SLC2A14: variants seen among roughly 807,000 people sequenced by gnomAD.
The protein encoded by SLC2A14 is solute carrier family 2, facilitated glucose transporter member 14.
A neutral mutation model predicts 43.0 loss-of-function variants in SLC2A14; 13 were observed. The ratio of observed to expected loss-of-function variants is 0.30; its 90% CI spans 0.20 to 0.48. The LOEUF (loss-of-function observed/expected upper bound fraction) is 0.48, where lower values mean the gene tolerates loss of function less well. Ranked by LOEUF, SLC2A14 falls within the 20% of genes least tolerant of loss-of-function variation. The pLI, the probability that SLC2A14 is intolerant of heterozygous loss-of-function variation, is 0.99. For missense variants in SLC2A14, 428 were observed against 620.4 expected, an observed-to-expected ratio of 0.69 and a Z score of 3.29; for synonymous variants, 190 against 233.8, an observed-to-expected ratio of 0.81 and a Z score of 1.71.
At chr12:7,815,735 C>G (rs894804279) in intron 10 of SLC2A14, among the ~76,000 whole-genome samples, 1 of 152,022 alleles carries the variant, frequency 6.6e-6, no homozygotes, top group East Asian at 1.9e-4. Context: ...CACCACCAAA[C>G]CTGGCAAATT....
At position 7,829,759 on chromosome 12, in the gene SLC2A14, A is replaced by C. The variant is rs1864841002; in HGVS notation, c.513+7T>G. 6.2e-7 allele frequency: 1 copy of C among 1,614,132 alleles called. No individual in the cohort carries two copies. Among genetic ancestry groups the C allele is most frequent in the Non-Finnish European group, 8.5e-7 (1 of 1,180,014 alleles). On this transcript the variant is annotated splice_region_variant and intron_variant, in intron 5 of 10. Coordinates refer to ENST00000431042, the MANE Select transcript of SLC2A14 (RefSeq NM_001286234.2). ...ACACTCATTAAGTATGAGAAGTTCT[A>C]GAGTACCTGGGCCACCAGAATTCCA...
At chr12:7,858,495 ATTTTC>A (rs1303085434) in intron 2 of SLC2A14, among the ~76,000 whole-genome samples, 1 of 151,882 alleles carries the variant, frequency 6.6e-6, no homozygotes, top group Non-Finnish European at 1.5e-5. Context: ...AAAAATTTTA[ATTTTC>A]TTTTCTTTTT....
At chr12:7,873,307 G>A (rs1198561381), upstream of SLC2A14, 139 of 985,438 alleles carry the variant, frequency 1.4e-4, no homozygotes, top group Non-Finnish European at 1.6e-4. Flanking sequence ...CCCCGCGGGC[G>A]GGCCGGCTGG....
Position 7,817,885 on chromosome 12 carries a change from G to A in SLC2A14, c.1221C>T (p.Gly407=), listed in dbSNP as rs1266235645. The A allele has an allele frequency of 6.2e-7, 1 of 1,614,168 alleles. No homozygotes were observed. ...GPRPAAMAVA[G]CSNWTSNFLV... ...GGAAGTTGGAGGTCCAGTTGGAGCA[G>A]CCGGCCACTGCCATCGCAGCTGGGC... The change falls in exon 10 of 11, where the codon GGC becomes GGT. Residue 407 remains glycine (G), a synonymous_variant. Coordinates refer to ENST00000431042, the MANE Select transcript of SLC2A14 (RefSeq NM_001286234.2).
At chr12:7,890,945 C>G in intron 1 of SLC2A14, 2 of 1,499,042 alleles carry the variant, frequency 1.3e-6, no homozygotes, top group Non-Finnish European at 1.8e-6. Context: ...AAGAAATCAT[C>G]CTCGACATGG....
intron 1 of SLC2A14, among the ~76,000 whole-genome samples, chr12:7,887,749 C>G (rs1158297358): frequency 6.6e-6 from 1 of 152,134 alleles, no homozygotes; most frequent in Non-Finnish European, 1.5e-5. Flanking sequence ...TTATGCAAAT[C>G]CTATCACTTG....
chr12:7,817,520 G>A (rs887673163), intron 10 of SLC2A14, among the ~76,000 whole-genome samples: 7 of 151,990 alleles, frequency 4.6e-5, no homozygotes, highest in African/African-American at 1.4e-4. Flanking sequence ...TGTAATCCCA[G>A]CACTTTGGGA....
At chr12:7,879,339 A>AAG (rs1451403983) in intron 1 of SLC2A14, among the ~76,000 whole-genome samples, 1 of 150,764 alleles carries the variant, frequency 6.6e-6, no homozygotes, top group East Asian at 2.0e-4. Context: ...ACAAAAAAAA[A>AAG]CAAAAGTTGC....
In SLC2A14 at chr12:7,837,060, G is replaced by A. The variant is rs138018199; in HGVS notation, c.19-4246C>T. Among the ~76,000 whole-genome samples the A allele has an allele frequency of 4.0e-3, 604 of 151,364 alleles. 3 individuals carry two copies. The highest frequency in any genetic ancestry group is 0.014 in the African/African-American group (565 of 41,234). On this transcript the variant is annotated intron_variant, in intron 2 of 10. Coordinates refer to ENST00000431042, the MANE Select transcript of SLC2A14 (RefSeq NM_001286234.2). Reference sequence around the variant, plus strand: ...CACATGCCTGTAATCCCAGCTATTCGGGAGGCTGAGGCAAGAGAATCGCTT... The same window carrying A: ...CACATGCCTGTAATCCCAGCTATTCAGGAGGCTGAGGCAAGAGAATCGCTT...
intron 2 of SLC2A14, among the ~76,000 whole-genome samples, chr12:7,857,140 C>T (rs1042238274): frequency 1.3e-5 from 2 of 152,034 alleles, no homozygotes; most frequent in East Asian, 3.9e-4. Context: ...GTTCCAGCTA[C>T]TCGGGAGGCT....
At chr12:7,837,911 C>T (rs1281720702) in intron 2 of SLC2A14, among the ~76,000 whole-genome samples, 1 of 151,934 alleles carries the variant, frequency 6.6e-6, no homozygotes, top group African/African-American at 2.4e-5. Context: ...GTGCACGCCA[C>T]CACGCCTGGT....
At chr12:7,868,756 C>T (rs10846077) in intron 2 of SLC2A14, among the ~76,000 whole-genome samples, 31,392 of 151,946 alleles carry the variant, frequency 0.21, 3,266 homozygotes, top group East Asian at 0.32. Flanking sequence ...GGCTGTAATC[C>T]CAGCATTTTG....
intron 2 of SLC2A14, among the ~76,000 whole-genome samples, chr12:7,857,453 T>C (rs1944315524): frequency 6.6e-6 from 1 of 151,624 alleles, no homozygotes; most frequent in African/African-American, 2.4e-5. Context: ...CCGAGCGCAG[T>C]GGTGCACACC....
chr12:7,842,323 C>T (rs1426705997), intron 2 of SLC2A14, among the ~76,000 whole-genome samples: 1 of 152,168 alleles, frequency 6.6e-6, no homozygotes, highest in Non-Finnish European at 1.5e-5. Flanking sequence ...ACGAATAAAA[C>T]TGCTCTAAAC....
chr12:7,883,590 CT>C lies in SLC2A14; in HGVS notation c.132+7405del, dbSNP rs1204450230. Among the ~76,000 whole-genome samples, 445 of 95,140 alleles carry C rather than the reference CT, an allele frequency of 4.7e-3. 1 individual carries two copies. The highest frequency in any genetic ancestry group is 5.7e-3 in the Non-Finnish European group (289 of 51,006). The allele number at this position is 95,140 out of a possible 152,430, so 62.4% of individuals were successfully genotyped here. On this transcript the variant is annotated intron_variant, in intron 1 of 9. Coordinates refer to the SLC2A14 transcript ENST00000539924. ...CTCTTTTTCTTTTTCTTTTTCTTTT[CT>C]TTTTTTTTTTTTTTTTTTTTTTGAG...
At chr12:7,858,574 A>T (rs1306459736) in intron 2 of SLC2A14, among the ~76,000 whole-genome samples, 1 of 152,114 alleles carries the variant, frequency 6.6e-6, no homozygotes, top group Non-Finnish European at 1.5e-5. Context: ...ACCTCAGCTC[A>T]CCACAACTTC....
intron 1 of SLC2A14, among the ~76,000 whole-genome samples, chr12:7,880,794 CAGG>C (rs1945556142): frequency 6.7e-6 from 1 of 150,304 alleles, no homozygotes; most frequent in South Asian, 2.1e-4. Context: ...ATCACAAGGT[CAGG>C]AGTTCAAGAC....
intron 2 of SLC2A14, among the ~76,000 whole-genome samples, chr12:7,836,046 C>T (rs962118456): frequency 1.3e-5 from 2 of 152,112 alleles, no homozygotes; most frequent in Admixed American, 6.5e-5. Flanking sequence ...CGAAGGTCTT[C>T]CTTCCTCTTT....
chr12:7,876,697 G>A (rs138299812), upstream of SLC2A14, among the ~76,000 whole-genome samples: 20 of 152,120 alleles, frequency 1.3e-4, no homozygotes, highest in African/African-American at 2.9e-4. Context: ...CAATCTAAAC[G>A]TCTGTGGAGA....
Sources: allele counts gnomAD v4.1 joint callset (sites outside exome capture counted in the v4.1 genomes callset), GRCh38; gene constraint gnomAD v4.1.1; transcripts MANE v1.5; gene names NCBI Gene and HGNC (gene_info 2026-07-23, HGNC 2026-07-21).